MAPK10: variants seen among roughly 807,000 people sequenced by gnomAD.
MAPK10 encodes mitogen-activated protein kinase 10.
A neutral mutation model predicts 59.3 loss-of-function variants in MAPK10; 25 were observed. The ratio of observed to expected loss-of-function variants is 0.42; its 90% confidence interval spans 0.31 to 0.59. The LOEUF is 0.59. MAPK10 is among the 20% of genes least tolerant of loss of function. The pLI, the probability that MAPK10 is intolerant of heterozygous loss-of-function variation, is 0.15. For synonymous variants in MAPK10, 190 were observed against 200.5 expected, an observed-to-expected ratio of 0.95 and a Z score of 0.44; for missense variants, 351 against 568.9, an observed-to-expected ratio of 0.62 and a Z score of 3.90.
chr4:86,575,208 C>T (rs1201328957), intron 1 of MAPK10, among the ~76,000 whole-genome samples: 2 of 152,210 alleles, frequency 1.3e-5, no homozygotes, highest in South Asian at 2.1e-4. Context: ...GATTCTCAGG[C>T]CTTCGGACTC....
At chr4:86,222,763 G>A (rs549447778) in intron 2 of MAPK10, among the ~76,000 whole-genome samples, 3 of 152,294 alleles carry the variant, frequency 2.0e-5, no homozygotes, top group African/African-American at 7.2e-5. Context: ...GAAGATCTAT[G>A]CACCCCCTAA....
At chr4:86,407,517 TATG>T (rs1227975336) in intron 1 of MAPK10, among the ~76,000 whole-genome samples, 11 of 152,184 alleles carry the variant, frequency 7.2e-5, no homozygotes, top group African/African-American at 2.7e-4. Flanking sequence ...TAGGAGAGTT[TATG>T]ATGTCAACTA....
chr4:86,072,319 A>G (rs545830855), intron 9 of MAPK10, among the ~76,000 whole-genome samples: 4 of 152,130 alleles, frequency 2.6e-5, no homozygotes, highest in Non-Finnish European at 5.9e-5. Context: ...TTCTAGATAT[A>G]CAATCATGTC....
At chr4:86,439,184 T>C (rs1286614692) in intron 1 of MAPK10, among the ~76,000 whole-genome samples, 1 of 152,324 alleles carries the variant, frequency 6.6e-6, no homozygotes, top group East Asian at 1.9e-4. Context: ...GAAAAATGCA[T>C]ATAGTCATAT....
chr4:86,041,152 T>G (rs2041433955), intron 11 of MAPK10, among the ~76,000 whole-genome samples: 1 of 152,016 alleles, frequency 6.6e-6, no homozygotes, highest in Non-Finnish European at 1.5e-5. Flanking sequence ...CTACTAAGAA[T>G]AACAATAGCT....
At chr4:86,552,430 A>G (rs888740830) in intron 1 of MAPK10, among the ~76,000 whole-genome samples, 2 of 76,928 alleles carry the variant, frequency 2.6e-5, no homozygotes, top group East Asian at 4.8e-4. Flanking sequence ...CAAAGAGAGG[A>G]AGGAAGGAAG....
intron 1 of MAPK10, among the ~76,000 whole-genome samples, chr4:86,369,663 G>A (rs1433663190): frequency 1.3e-5 from 2 of 152,098 alleles, no homozygotes; most frequent in African/African-American, 4.8e-5. Flanking sequence ...ATATTGCAAT[G>A]CTACATTTGA....
intron 9 of MAPK10, among the ~76,000 whole-genome samples, chr4:86,086,919 C>T (rs546942221): frequency 2.0e-5 from 3 of 152,240 alleles, no homozygotes; most frequent in East Asian, 1.9e-4. Flanking sequence ...CCACAGCCCA[C>T]GATCAGAAGA....
At chr4:86,497,278 G>A (rs1754938204) in intron 1 of MAPK10, among the ~76,000 whole-genome samples, 1 of 152,212 alleles carries the variant, frequency 6.6e-6, no homozygotes, top group Non-Finnish European at 1.5e-5. Context: ...ATGCCTGGAA[G>A]ATTCTAAAAG....
chr4:86,428,236 C>A (rs1046466466), intron 1 of MAPK10, among the ~76,000 whole-genome samples: 46 of 151,960 alleles, frequency 3.0e-4, no homozygotes, highest in African/African-American at 1.1e-3. Context: ...CTCAACCTCT[C>A]AGGCTAAAAT....
chr4:86,166,362 T>C (rs2071726024), intron 3 of MAPK10, among the ~76,000 whole-genome samples: 1 of 152,180 alleles, frequency 6.6e-6, no homozygotes, highest in African/African-American at 2.4e-5. Context: ...TTTTTATTAG[T>C]GGAAAGGTTA....
chr4:86,383,582 A>G (rs1741050648), intron 1 of MAPK10, among the ~76,000 whole-genome samples: 1 of 152,202 alleles, frequency 6.6e-6, no homozygotes, highest in Non-Finnish European at 1.5e-5. Flanking sequence ...GAACCAGTGA[A>G]ATAGTTATTG....
At position 86,059,600 on chromosome 4, in the gene MAPK10, C is replaced by T. The variant is rs191622603; in HGVS notation, c.1110+4666G>A. Among the ~76,000 whole-genome samples the T allele has an allele frequency of 7.8e-4, 119 of 152,254 alleles. 1 individual carries two copies. The East Asian group carries it at 0.019, about 24-fold the overall frequency. ...GATCTGTATCGGTAGATTAAATTCC[C>T]ACCCAACCCTGTCCCAATTCCCAAA... On this transcript the variant is annotated intron_variant, in intron 11 of 13. Coordinates refer to ENST00000641462, the MANE Select transcript of MAPK10 (RefSeq NM_138982.4).
At chr4:86,472,637 C>G in intron 1 of MAPK10, among the ~76,000 whole-genome samples, 1 of 151,590 alleles carries the variant, frequency 6.6e-6, no homozygotes. Flanking sequence ...GAGTGAGAAG[C>G]AAGATCCTGT....
chr4:86,262,328 G>A (rs979243278), intron 2 of MAPK10, among the ~76,000 whole-genome samples: 5 of 151,846 alleles, frequency 3.3e-5, no homozygotes, highest in Non-Finnish European at 5.9e-5. Context: ...CCTCGACCTC[G>A]GATTTCCCAG....
At chr4:86,344,331 G>T (rs1377699017) in intron 2 of MAPK10, among the ~76,000 whole-genome samples, 1 of 152,110 alleles carries the variant, frequency 6.6e-6, no homozygotes, top group Admixed American at 6.6e-5. Context: ...TATTGCCCAG[G>T]CTGGCCTCAA....
chr4:86,135,707 G>A (rs2061903195), intron 4 of MAPK10, among the ~76,000 whole-genome samples: 2 of 151,850 alleles, frequency 1.3e-5, no homozygotes, highest in South Asian at 4.1e-4. Flanking sequence ...GACGAGCTGA[G>A]AGAAGAAGGC....
At chr4:86,096,911 T>G (rs539201558) in intron 9 of MAPK10, among the ~76,000 whole-genome samples, 2 of 152,048 alleles carry the variant, frequency 1.3e-5, no homozygotes, top group Admixed American at 1.3e-4. Flanking sequence ...TTCAAGACCT[T>G]AAGATTGGTT....
intron 2 of MAPK10, among the ~76,000 whole-genome samples, chr4:86,281,235 T>C (rs1043098888): frequency 3.3e-5 from 5 of 152,188 alleles, no homozygotes; most frequent in Admixed American, 3.3e-4. Flanking sequence ...CCAGGCATGG[T>C]GGCTTAGGCC....
Sources: allele counts gnomAD v4.1 joint callset (sites outside exome capture counted in the v4.1 genomes callset), GRCh38; gene constraint gnomAD v4.1.1; transcripts MANE v1.5; gene names NCBI Gene and HGNC (gene_info 2026-07-23, HGNC 2026-07-21).